The following TMEM132C variants were observed in gnomAD, a reference collection of about 807,000 sequenced individuals.
TMEM132C encodes the protein protein phosphatase 1, regulatory subunit 152.
A neutral mutation model predicts 61.4 loss-of-function variants in TMEM132C; 29 were observed. The observed-to-expected ratio is 0.47, with a 90% CI of 0.35 to 0.64. The LOEUF is 0.64. TMEM132C is among the 30% of genes least tolerant of loss of function. The probability of loss-of-function intolerance (pLI) is 0.00; values close to 1 mark genes in which losing one functional copy is unlikely to be tolerated. For missense variants in TMEM132C, 1,408 were observed against 1,476.9 expected (o/e 0.95, Z 0.76); for synonymous variants, 656 against 633.1 (o/e 1.04, Z -0.54).
intron 1 of TMEM132C, among the ~76,000 whole-genome samples, chr12:128,308,024 G>A (rs1299484636): frequency 6.6e-6 from 1 of 152,188 alleles, no homozygotes; most frequent in Non-Finnish European, 1.5e-5. Flanking sequence ...TTCAAAGTGG[G>A]GCCATTCAGA....
chr12:128,317,172 C>A (rs1273785974), intron 1 of TMEM132C, among the ~76,000 whole-genome samples: 1 of 152,166 alleles, frequency 6.6e-6, no homozygotes, highest in Non-Finnish European at 1.5e-5. Flanking sequence ...TGACCTGCAC[C>A]AAATGCAGTT....
intron 3 of TMEM132C, among the ~76,000 whole-genome samples, chr12:128,578,940 G>C (rs1321888332): frequency 6.6e-6 from 1 of 152,100 alleles, no homozygotes; most frequent in Non-Finnish European, 1.5e-5. Context: ...GTTATAATTT[G>C]GGAGATCGTA....
intron 1 of TMEM132C, among the ~76,000 whole-genome samples, chr12:128,324,717 C>T (rs1429345324): frequency 1.3e-5 from 2 of 152,062 alleles, no homozygotes; most frequent in African/African-American, 4.8e-5. Context: ...AAAAATTAGC[C>T]AGGCATGGTG....
At chr12:128,651,680 A>T (rs190315909) in intron 4 of TMEM132C, among the ~76,000 whole-genome samples, 1 of 152,282 alleles carries the variant, frequency 6.6e-6, no homozygotes, top group African/African-American at 2.4e-5. Context: ...CTCCTAGGTG[A>T]TCACAGCTAG....
chr12:128,398,672 A>G lies in TMEM132C; in HGVS notation c.86-16060A>G, dbSNP rs113604711. Among the ~76,000 whole-genome samples, 124 of 152,348 alleles carry G rather than the reference A, an allele frequency of 8.1e-4. 1 individual carries two copies. The highest frequency in any genetic ancestry group is 2.7e-3 in the African/African-American group (114 of 41,588). ...TGTGTGACCTTGGCTGAATTACTCA[A>G]TCTCTCTGGGCCTCAATCTCTTTAT... On this transcript the variant is annotated intron_variant, in intron 1 of 8. Coordinates refer to ENST00000435159, the MANE Select transcript of TMEM132C (RefSeq NM_001136103.3).
intron 2 of TMEM132C, among the ~76,000 whole-genome samples, chr12:128,424,447 C>G (rs1481902952): frequency 7.4e-6 from 1 of 134,630 alleles, no homozygotes; most frequent in African/African-American, 3.1e-5. Flanking sequence ...AAACATGATG[C>G]TAAGTGGAAA....
intron 3 of TMEM132C, among the ~76,000 whole-genome samples, chr12:128,612,387 T>A (rs956360042): frequency 3.9e-5 from 6 of 152,200 alleles, no homozygotes; most frequent in South Asian, 2.1e-4. Context: ...TTTCATCCAG[T>A]TGTGAAACTT....
intron 1 of TMEM132C, among the ~76,000 whole-genome samples, chr12:128,355,820 C>T (rs1383991434): frequency 1.3e-5 from 2 of 152,094 alleles, no homozygotes; most frequent in Non-Finnish European, 2.9e-5. Flanking sequence ...TATAGCTCTG[C>T]CTCCTTTGGA....
chr12:128,528,515 G>A lies in TMEM132C; in HGVS notation c.975-15442G>A, dbSNP rs555904922. ...GATCACACAGCGGTGTCTCCTGCTC[G>A]CCCCACTCACTCTGCTGAGCTCTGC... On this transcript the variant is annotated intron_variant, in intron 2 of 8. Coordinates refer to ENST00000435159, the MANE Select transcript of TMEM132C (RefSeq NM_001136103.3). 7.9e-5 allele frequency among the ~76,000 whole-genome samples: 12 copies of A among 152,196 alleles called. No homozygotes were observed. In the South Asian group the frequency reaches 1.0e-3, roughly 13 times the overall value.
intron 3 of TMEM132C, among the ~76,000 whole-genome samples, chr12:128,589,041 G>A (rs911865869): frequency 2.6e-5 from 4 of 152,136 alleles, no homozygotes; most frequent in East Asian, 1.9e-4. Context: ...CAGTCAGCGA[G>A]CCTGAAAGCA....
chr12:128,306,340 T>C (rs1256530826), intron 1 of TMEM132C, among the ~76,000 whole-genome samples: 3 of 151,900 alleles, frequency 2.0e-5, no homozygotes, highest in Non-Finnish European at 4.4e-5. Flanking sequence ...TAGCTGGGAC[T>C]ACAGGTGCCC....
intron 4 of TMEM132C, among the ~76,000 whole-genome samples, chr12:128,655,083 C>G (rs1290504373): frequency 6.6e-6 from 1 of 152,164 alleles, no homozygotes; most frequent in Admixed American, 6.5e-5. Flanking sequence ...ATTTTTTAAT[C>G]AATTCTACCA....
Position 128,570,045 on chromosome 12 carries a change from T to C in TMEM132C, c.1121+25942T>C, listed in dbSNP as rs1268599710. ...TTAACGTGAGAAGTGAAAGGAGAGATGGAGAATAAACACTGTCCATATTAG... is the reference window on the plus strand; with the variant it reads ...TTAACGTGAGAAGTGAAAGGAGAGACGGAGAATAAACACTGTCCATATTAG... On this transcript the variant is annotated intron_variant, in intron 3 of 8. Transcript: ENST00000435159. This position sits in a 1 kb window ranked among gnomAD's most constrained non-coding sequence, Gnocchi z 4.7. Among the ~76,000 whole-genome samples the C allele has an allele frequency of 6.6e-6, 1 of 152,148 alleles. No homozygotes were observed. The highest frequency in any genetic ancestry group is 1.5e-5 in the Non-Finnish European group (1 of 68,024).
At chr12:128,490,291 T>C (rs1871672614) in intron 2 of TMEM132C, among the ~76,000 whole-genome samples, 1 of 152,206 alleles carries the variant, frequency 6.6e-6, no homozygotes, top group Non-Finnish European at 1.5e-5. Context: ...ACCTGGCTTT[T>C]GTCGTAGGAG....
intron 3 of TMEM132C, among the ~76,000 whole-genome samples, chr12:128,606,429 GT>G (rs1182564810): frequency 6.6e-6 from 1 of 152,218 alleles, no homozygotes; most frequent in East Asian, 1.9e-4. Context: ...TTCATCCATA[GT>G]TTTATTCCCC....
chr12:128,396,112 T>C (rs921484914), intron 1 of TMEM132C, among the ~76,000 whole-genome samples: 10 of 152,196 alleles, frequency 6.6e-5, no homozygotes, highest in African/African-American at 2.4e-4. Flanking sequence ...CTGGGTAGTG[T>C]TTCTCTAAAG....
intron 4 of TMEM132C, among the ~76,000 whole-genome samples, chr12:128,665,173 GCACACA>G (rs138271807): frequency 4.2e-5 from 4 of 95,856 alleles, no homozygotes; most frequent in African/African-American, 1.6e-4. Context: ...ACACAAACAG[GCACACA>G]CACACACAGG....
At chr12:128,528,293 C>T (rs1256381555) in intron 2 of TMEM132C, among the ~76,000 whole-genome samples, 2 of 152,164 alleles carry the variant, frequency 1.3e-5, no homozygotes, top group African/African-American at 2.4e-5. Flanking sequence ...CTCTCCTGGA[C>T]CACAGCACGA....
intron 2 of TMEM132C, among the ~76,000 whole-genome samples, chr12:128,457,314 A>G (rs1037680956): frequency 6.6e-6 from 1 of 151,574 alleles, no homozygotes; most frequent in Non-Finnish European, 1.5e-5. Flanking sequence ...GTAAAAAAAA[A>G]AAAAAAAACA....
Sources: allele counts gnomAD v4.1 joint callset (sites outside exome capture counted in the v4.1 genomes callset), GRCh38; gene constraint gnomAD v4.1.1; non-coding constraint Gnocchi (gnomAD v3.1); transcripts MANE v1.5; gene names NCBI Gene and HGNC (gene_info 2026-07-23, HGNC 2026-07-21).